Variants in AGAP1 observed in about 807,000 individuals in gnomAD.
AGAP1 encodes ArfGAP with GTPase domain, ankyrin repeat and PH domain 1.
In AGAP1, 29 loss-of-function variants were observed where a neutral mutation model predicts 105.3. That is an observed-to-expected ratio of 0.28 (90% CI 0.21 to 0.38). AGAP1 has a LOEUF of 0.38. Among genes scored for constraint, AGAP1 ranks in the 10% least tolerant of loss-of-function variants. The pLI is 1.00. For synonymous variants in AGAP1, 509 were observed against 485.9 expected (o/e 1.05, Z -0.63); for missense variants, 998 against 1,165.1 (o/e 0.86, Z 2.09).
chr2:235,522,420 A>G (rs1942657428), intron 1 of AGAP1, among the ~76,000 whole-genome samples: 4 of 152,112 alleles, frequency 2.6e-5, no homozygotes, highest in Admixed American at 2.0e-4. Context: ...TGGGGTCTTG[A>G]TAATACCAAT....
intron 16 of AGAP1, among the ~76,000 whole-genome samples, chr2:236,084,974 G>A (rs2058887549): frequency 6.6e-6 from 1 of 151,486 alleles, no homozygotes; most frequent in Non-Finnish European, 1.5e-5. Context: ...CAGCACTTTG[G>A]GAGGCCAAGG....
rs918632064 is a variant in AGAP1, at chr2:235,754,541, A to G, written c.673+4053A>G. On this transcript the variant is annotated intron_variant, in intron 6 of 17. Transcript: ENST00000304032. This position sits in a 1 kb window ranked among gnomAD's most constrained non-coding sequence, Gnocchi z 4.6. ...GGGACCTCATTCTTTCTTCTCCAAC[A>G]TTTGACTTCTTAGTGTCTTGTAACA... is the stretch of plus-strand genomic sequence containing the variant. Among the ~76,000 whole-genome samples, 2 of 152,110 alleles carry G rather than the reference A, an allele frequency of 1.3e-5. No homozygotes were observed. Among genetic ancestry groups the G allele is most frequent in the Non-Finnish European group, 2.9e-5 (2 of 68,022 alleles).
At chr2:235,593,333 CAG>C in intron 1 of AGAP1, among the ~76,000 whole-genome samples, 1 of 152,254 alleles carries the variant, frequency 6.6e-6, no homozygotes, top group East Asian at 1.9e-4. Flanking sequence ...AAAAGTGGAA[CAG>C]AACAACCTCC....
chr2:235,505,812 AATG>A (rs1451360681), intron 1 of AGAP1: 3 of 151,754 alleles, frequency 2.0e-5, no homozygotes, highest in Non-Finnish European at 1.5e-5. Context: ...TAGGCGGCCG[AATG>A]ATAAGTGATC....
Position 235,951,904 on chromosome 2 carries a change from A to C in AGAP1, c.1484-16558A>C, listed in dbSNP as rs2053753548. Among the ~76,000 whole-genome samples the C allele has an allele frequency of 6.6e-6, 1 of 152,004 alleles. No individual in the cohort carries two copies. The highest frequency in any genetic ancestry group is 2.4e-5 in the African/African-American group (1 of 41,256). The stretch of plus-strand genomic sequence containing the variant: ...TTAGCTACAGATTTTTGGTGGAAAC[A>C]AATGGTCCACCCTGATCTACTCATT... On this transcript the variant is annotated intron_variant, in intron 12 of 17. Transcript: ENST00000304032. The surrounding 1 kb of genome is among the most constrained non-coding windows in gnomAD (Gnocchi z 4.2).
rs989905623 is a variant in AGAP1, at chr2:235,660,199, AG to A, written c.164-48976del. On this transcript the variant is annotated intron_variant, in intron 1 of 17. Transcript: ENST00000304032. The surrounding 1 kb of genome is among the most constrained non-coding windows in gnomAD (Gnocchi z 5.3). ...GCTGCGGCTGAGGATTTTTGTGGCTAGGGGAAGAAGTGAATCACCCTCTTCT... is the reference window on the plus strand; with the variant it reads ...GCTGCGGCTGAGGATTTTTGTGGCTAGGGAAGAAGTGAATCACCCTCTTCT... Among the ~76,000 whole-genome samples the A allele has an allele frequency of 1.3e-5, 2 of 152,116 alleles. No individual in the cohort carries two copies. The highest frequency in any genetic ancestry group is 2.9e-5 in the Non-Finnish European group (2 of 68,032).
At position 235,988,429 on chromosome 2, in the gene AGAP1, T is replaced by G. The variant is rs562689736; in HGVS notation, c.1645+19806T>G. On this transcript the variant is annotated intron_variant, in intron 13 of 17. Coordinates refer to ENST00000304032, the MANE Select transcript of AGAP1 (RefSeq NM_001037131.3). This position sits in a 1 kb window ranked among gnomAD's most constrained non-coding sequence, Gnocchi z 4.7. The stretch of plus-strand genomic sequence containing the variant: ...CAGTCGCACCTGCTTCAGATACTAC[T>G]CAGAATTTCTTGTCCTTAAATGCCA... Among the ~76,000 whole-genome samples the G allele has an allele frequency of 6.6e-4, 101 of 152,122 alleles. No individual in the cohort carries two copies. The highest frequency in any genetic ancestry group is 1.1e-3 in the Non-Finnish European group (77 of 68,018).
intron 6 of AGAP1, among the ~76,000 whole-genome samples, chr2:235,757,764 A>T (rs1270780263): frequency 1.3e-5 from 2 of 152,120 alleles, no homozygotes; most frequent in Admixed American, 1.3e-4. Context: ...AGAGATTGAA[A>T]TCCTGGTGTG....
At chr2:236,018,954 T>G (rs769683977) in intron 13 of AGAP1, among the ~76,000 whole-genome samples, 1 of 152,188 alleles carries the variant, frequency 6.6e-6, no homozygotes, top group Non-Finnish European at 1.5e-5. Flanking sequence ...CTTGGAAATT[T>G]CATCACAGAT....
At chr2:235,910,341 A>G (rs2051542635) in intron 11 of AGAP1, among the ~76,000 whole-genome samples, 1 of 7,426 alleles carries the variant, frequency 1.3e-4, no homozygotes, top group Non-Finnish European at 2.1e-4. Flanking sequence ...GCTGGATACA[A>G]ACACAAGCTG....
chr2:236,027,657 G>A lies in AGAP1; in HGVS notation c.1646-8904G>A, dbSNP rs185120449. On this transcript the variant is annotated intron_variant, in intron 13 of 17. Coordinates refer to ENST00000304032, the MANE Select transcript of AGAP1 (RefSeq NM_001037131.3). This position sits in a 1 kb window ranked among gnomAD's most constrained non-coding sequence, Gnocchi z 4.4. Reference sequence around the variant, plus strand: ...AGCAGCGCCATTGCCTCTTGATTTGGGAGCTGATGCTGGACCCCGCATTGA... The same window carrying A: ...AGCAGCGCCATTGCCTCTTGATTTGAGAGCTGATGCTGGACCCCGCATTGA... Among the ~76,000 whole-genome samples the A allele has an allele frequency of 6.6e-6, 1 of 152,068 alleles. No homozygotes were observed. Among genetic ancestry groups the A allele is most frequent in the Admixed American group, 6.5e-5 (1 of 15,278 alleles).
At chr2:235,917,163 C>T (rs544495870) in intron 11 of AGAP1, among the ~76,000 whole-genome samples, 1 of 152,274 alleles carries the variant, frequency 6.6e-6, no homozygotes, top group East Asian at 1.9e-4. Context: ...TTCTCCTCTA[C>T]ATCCCCCCCT....
intron 11 of AGAP1, among the ~76,000 whole-genome samples, chr2:235,909,441 T>C (rs988406088): frequency 6.6e-6 from 1 of 152,254 alleles, no homozygotes; most frequent in African/African-American, 2.4e-5. Flanking sequence ...AGCTGTATTT[T>C]CTCAAATGTT....
intron 13 of AGAP1, among the ~76,000 whole-genome samples, chr2:236,034,190 G>A (rs1002777808): frequency 6.6e-6 from 1 of 152,144 alleles, no homozygotes; most frequent in African/African-American, 2.4e-5. Context: ...AAAAGCCCAT[G>A]GATCAAGAAG....
rs992471387 is a variant in AGAP1 at position 235,973,666 on chromosome 2, G to T, written c.1645+5043G>T. 2.0e-5 allele frequency among the ~76,000 whole-genome samples: 3 copies of T among 152,206 alleles called. No individual in the cohort carries two copies. Among genetic ancestry groups the T allele is most frequent in the Non-Finnish European group, 4.4e-5 (3 of 68,034 alleles). On this transcript the variant is annotated intron_variant, in intron 13 of 17. Coordinates refer to ENST00000304032, the MANE Select transcript of AGAP1 (RefSeq NM_001037131.3). The surrounding 1 kb of genome is among the most constrained non-coding windows in gnomAD (Gnocchi z 4.7). ...CAACTTGTCCTGGATGGCCCAGGTG[G>T]TAACCATGGGACCTGATGGGTGGAA...
intron 16 of AGAP1, among the ~76,000 whole-genome samples, chr2:236,079,589 T>C (rs1483269049): frequency 6.6e-6 from 1 of 151,370 alleles, no homozygotes. Flanking sequence ...CACACACATA[T>C]ACATATACAT....
chr2:235,889,502 G>A lies in AGAP1; in HGVS notation c.1155+6053G>A, dbSNP rs2050427236. Among the ~76,000 whole-genome samples the A allele has an allele frequency of 2.0e-5, 3 of 151,480 alleles. No individual in the cohort carries two copies. The highest frequency in any genetic ancestry group is 6.6e-5 in the Admixed American group (1 of 15,216). Reference sequence around the variant, plus strand: ...ACTTTCCTTCCCACTTAATTGCTTTGGATTTCTCTTTCCTTTCTCGTCATC... The same window carrying A: ...ACTTTCCTTCCCACTTAATTGCTTTAGATTTCTCTTTCCTTTCTCGTCATC... On this transcript the variant is annotated intron_variant, in intron 10 of 17. Coordinates refer to ENST00000304032, the MANE Select transcript of AGAP1 (RefSeq NM_001037131.3). This position sits in a 1 kb window ranked among gnomAD's most constrained non-coding sequence, Gnocchi z 4.6.
At chr2:235,677,689 T>C (rs1253186367) in intron 1 of AGAP1, among the ~76,000 whole-genome samples, 2 of 151,926 alleles carry the variant, frequency 1.3e-5, no homozygotes, top group Non-Finnish European at 2.9e-5. Flanking sequence ...CTTTGCTCTC[T>C]GTGCCTGTCA....
chr2:236,072,033 T>TA (rs1443185136), intron 16 of AGAP1, among the ~76,000 whole-genome samples: 4 of 152,088 alleles, frequency 2.6e-5, no homozygotes, highest in Admixed American at 1.3e-4. Flanking sequence ...AAACTTTTTT[T>TA]AAAAAAACTC....
Sources: allele counts gnomAD v4.1 joint callset (sites outside exome capture counted in the v4.1 genomes callset), GRCh38; gene constraint gnomAD v4.1.1; non-coding constraint Gnocchi (gnomAD v3.1); transcripts MANE v1.5; gene names NCBI Gene and HGNC (gene_info 2026-07-23, HGNC 2026-07-21).